PRKG1: variants seen among roughly 807,000 people sequenced by gnomAD.
PRKG1 encodes the protein cGMP-dependent protein kinase 1.
In PRKG1, 35 loss-of-function variants were observed where a neutral mutation model predicts 88.1. That is an observed-to-expected ratio of 0.40 (90% CI 0.30 to 0.53). The LOEUF is 0.53. Among genes scored for constraint, PRKG1 ranks in the 20% least tolerant of loss-of-function variants. The probability of loss-of-function intolerance (pLI) is 0.59; values close to 1 mark genes in which losing one functional copy is unlikely to be tolerated. For missense variants in PRKG1, 540 were observed against 839.8 expected, an observed-to-expected ratio of 0.64 and a Z score of 4.41; for synonymous variants, 303 against 292.5, an observed-to-expected ratio of 1.04 and a Z score of -0.37.
At chr10:51,351,379 C>A (rs781172672) in intron 2 of PRKG1, among the ~76,000 whole-genome samples, 1 of 152,066 alleles carries the variant, frequency 6.6e-6, no homozygotes, top group East Asian at 1.9e-4. Flanking sequence ...TCACCAACAG[C>A]GTAAAAGTGT....
intron 7 of PRKG1, among the ~76,000 whole-genome samples, chr10:52,132,280 G>A (rs1837287727): frequency 6.6e-6 from 1 of 152,068 alleles, no homozygotes; most frequent in South Asian, 2.1e-4. Flanking sequence ...TGTTTCAGAA[G>A]TGGAAGATTA....
intron 3 of PRKG1, among the ~76,000 whole-genome samples, chr10:51,566,414 G>A (rs1220449815): frequency 2.0e-5 from 3 of 152,050 alleles, no homozygotes; most frequent in Non-Finnish European, 2.9e-5. Flanking sequence ...CATTGAACAA[G>A]CGTTTTGAGT....
intron 2 of PRKG1, among the ~76,000 whole-genome samples, chr10:51,288,362 C>A (rs1840497439): frequency 6.6e-6 from 1 of 152,016 alleles, no homozygotes. Flanking sequence ...ATATTAGGTG[C>A]TGCAGTAAAA....
intron 3 of PRKG1, among the ~76,000 whole-genome samples, chr10:51,557,820 G>A (rs1837353089): frequency 2.0e-5 from 3 of 152,044 alleles, no homozygotes; most frequent in African/African-American, 4.8e-5. Context: ...CAGAACCTCT[G>A]TGGGTGGGGC....
At chr10:51,812,280 A>G in intron 4 of PRKG1, among the ~76,000 whole-genome samples, 1 of 152,192 alleles carries the variant, frequency 6.6e-6, no homozygotes, top group South Asian at 2.1e-4. Flanking sequence ...TTTTCTGCAA[A>G]AAGTTGTCGA....
chr10:51,974,262 T>C (rs566186326), intron 5 of PRKG1, among the ~76,000 whole-genome samples: 15 of 152,262 alleles, frequency 9.9e-5, no homozygotes, highest in African/African-American at 3.6e-4. Context: ...GAACCCTGTG[T>C]GAATGATGAC....
At chr10:51,852,377 G>T (rs535178974) in intron 4 of PRKG1, among the ~76,000 whole-genome samples, 24 of 146,350 alleles carry the variant, frequency 1.6e-4, no homozygotes, top group Admixed American at 5.5e-4. Flanking sequence ...CACACACATA[G>T]AGAGAGAGAG....
At chr10:51,714,084 A>G (rs1048671532) in intron 3 of PRKG1, among the ~76,000 whole-genome samples, 16 of 152,136 alleles carry the variant, frequency 1.1e-4, no homozygotes, top group African/African-American at 3.9e-4. Context: ...GGTTTGCGCC[A>G]TTCTCCTGCC....
intron 3 of PRKG1, among the ~76,000 whole-genome samples, chr10:51,664,059 GTTA>G (rs1276947608): frequency 1.3e-5 from 2 of 151,952 alleles, no homozygotes; most frequent in Non-Finnish European, 1.5e-5. Context: ...AGAGATAAGT[GTTA>G]TTATTAATAT....
chr10:51,889,808 A>G (rs372401731), intron 4 of PRKG1, among the ~76,000 whole-genome samples: 4 of 152,128 alleles, frequency 2.6e-5, no homozygotes, highest in Admixed American at 6.6e-5. Context: ...CTGATGGCCA[A>G]TGATGATGAG....
chr10:52,139,202 A>G (rs979423376), intron 8 of PRKG1, among the ~76,000 whole-genome samples: 1 of 152,144 alleles, frequency 6.6e-6, no homozygotes, highest in Non-Finnish European at 1.5e-5. Flanking sequence ...ACAAGACACA[A>G]ATTCAAAATA....
At chr10:51,171,524 T>C (rs1028131823) in intron 2 of PRKG1, among the ~76,000 whole-genome samples, 4 of 152,120 alleles carry the variant, frequency 2.6e-5, no homozygotes, top group Non-Finnish European at 5.9e-5. Flanking sequence ...CATTACCTTG[T>C]TGATATTTAT....
intron 2 of PRKG1, among the ~76,000 whole-genome samples, chr10:51,411,971 T>A (rs1341026934): frequency 1.3e-5 from 2 of 152,132 alleles, no homozygotes; most frequent in African/African-American, 4.8e-5. Flanking sequence ...TTAGATTTGA[T>A]TTAGAATTAA....
intron 9 of PRKG1, among the ~76,000 whole-genome samples, chr10:52,191,329 A>AT (rs34410355): frequency 0.21 from 29,097 of 138,236 alleles, 4,167 homozygotes; most frequent in African/African-American, 0.42. Context: ...TGCTCCAGCT[A>AT]TTTTTTTTTT....
chr10:51,956,193 G>A (rs933114127), intron 5 of PRKG1, among the ~76,000 whole-genome samples: 1 of 151,850 alleles, frequency 6.6e-6, no homozygotes, highest in African/African-American at 2.4e-5. Flanking sequence ...TTTTTATTAG[G>A]ATTATTATTT....
intron 2 of PRKG1, among the ~76,000 whole-genome samples, chr10:51,273,837 C>A (rs973129069): frequency 6.6e-6 from 1 of 152,208 alleles, no homozygotes; most frequent in Non-Finnish European, 1.5e-5. Flanking sequence ...GTTTATACCA[C>A]CCACCTTATG....
chr10:51,132,749 A>T lies in PRKG1; in HGVS notation c.312-20415A>T, dbSNP rs181878633. On this transcript the variant is annotated intron_variant, in intron 1 of 17. Transcript: ENST00000373980. The stretch of plus-strand genomic sequence containing the variant: ...ATATGTAATATAATATATATATATA[A>T]AATTTAAGGTTCTTGTTAAAAAGGC... Among the ~76,000 whole-genome samples, 352 of 148,224 alleles carry T rather than the reference A, an allele frequency of 2.4e-3. 3 individuals are homozygous for T. The highest frequency in any genetic ancestry group is 8.1e-3 in the African/African-American group (330 of 40,904).
At chr10:51,609,013 G>A (rs891267007) in intron 3 of PRKG1, among the ~76,000 whole-genome samples, 2 of 151,880 alleles carry the variant, frequency 1.3e-5, no homozygotes, top group Non-Finnish European at 2.9e-5. Flanking sequence ...CAGTCAGAAA[G>A]TTTTAAAAAA....
chr10:51,435,183 G>A (rs1190141759), intron 2 of PRKG1, among the ~76,000 whole-genome samples: 2 of 152,008 alleles, frequency 1.3e-5, no homozygotes, highest in Non-Finnish European at 2.9e-5. Flanking sequence ...GTTGCACAGT[G>A]GTTGGCAGCT....
Sources: allele counts gnomAD v4.1 joint callset (sites outside exome capture counted in the v4.1 genomes callset), GRCh38; gene constraint gnomAD v4.1.1; transcripts MANE v1.5; gene names NCBI Gene and HGNC (gene_info 2026-07-23, HGNC 2026-07-21).